The following SP1 variants were observed in gnomAD, a reference collection of about 807,000 sequenced individuals.
SP1 encodes the protein Sp1 transcription factor.
In SP1, 6 loss-of-function variants were observed where a neutral mutation model predicts 66.3. The ratio of observed to expected loss-of-function variants is 0.09; its 90% CI spans 0.05 to 0.18. The LOEUF (loss-of-function observed/expected upper bound fraction) is 0.18, where lower values mean the gene tolerates loss of function less well. Among genes scored for constraint, SP1 ranks in the 10% least tolerant of loss-of-function variants. The pLI is 1.00. For synonymous variants in SP1, 417 were observed against 360.8 expected, an observed-to-expected ratio of 1.16 and a Z score of -1.77; for missense variants, 848 against 964.5, an observed-to-expected ratio of 0.88 and a Z score of 1.60.
intron 4 of SP1, among the ~76,000 whole-genome samples, chr12:53,407,282 T>C (rs369550881): frequency 1.3e-5 from 2 of 151,058 alleles, no homozygotes; most frequent in African/African-American, 2.4e-5. Context: ...TTAAAAATTA[T>C]GTGGGAATAT....
At chr12:53,404,292 G>A (rs770921328) in intron 3 of SP1, among the ~76,000 whole-genome samples, 3 of 152,060 alleles carry the variant, frequency 2.0e-5, no homozygotes, top group African/African-American at 4.8e-5. Context: ...AGCACTTTGG[G>A]AGGCCAAGGC....
At chr12:53,388,438 T>C (rs1938276466) in intron 3 of SP1, among the ~76,000 whole-genome samples, 1 of 152,194 alleles carries the variant, frequency 6.6e-6, no homozygotes, top group Non-Finnish European at 1.5e-5. Flanking sequence ...TGTGTGTTTC[T>C]GTAAGGTAAG....
chr12:53,400,696 C>T lies in SP1; in HGVS notation c.1676-5889C>T, dbSNP rs1457174449. On this transcript the variant is annotated intron_variant, in intron 3 of 5. Transcript: ENST00000327443. ...CTCCACCTCCCGGGTTCAAGCGATTCTCCTGTCTCAGCCTCCGGAGTAGCT... is the reference window on the plus strand; with the variant it reads ...CTCCACCTCCCGGGTTCAAGCGATTTTCCTGTCTCAGCCTCCGGAGTAGCT... Among the ~76,000 whole-genome samples the T allele has an allele frequency of 2.6e-5, 4 of 151,364 alleles. No individual in the cohort carries two copies. In the East Asian group the frequency reaches 7.8e-4, roughly 29 times the overall value.
At chr12:53,389,548 T>C (rs777431679) in intron 3 of SP1, among the ~76,000 whole-genome samples, 13 of 151,696 alleles carry the variant, frequency 8.6e-5, no homozygotes, top group Non-Finnish European at 1.6e-4. Flanking sequence ...GGTTTCACCA[T>C]GTTGGCCAGG....
chr12:53,410,022 A>C (rs139165181), intron 5 of SP1, among the ~76,000 whole-genome samples: 277 of 144,050 alleles, frequency 1.9e-3, no homozygotes, highest in Non-Finnish European at 3.0e-3. Context: ...AAAAAAAGGA[A>C]GGAGCCAGGT....
rs1395474454 is a variant in SP1, at chr12:53,413,794, ATAATG to A, written c.*2560_*2564del. On this transcript the variant is annotated 3_prime_UTR_variant, in exon 6 of 6. Coordinates refer to ENST00000327443, the MANE Select transcript of SP1 (RefSeq NM_138473.3). ...CCAGTATGAAATTACCAGATATAAA[ATAATG>A]TAATGATGCTGAGGATATAAGCTTT... The A allele has an allele frequency of 1.3e-5, 2 of 152,352 alleles. No homozygotes were observed. The highest frequency in any genetic ancestry group is 4.8e-5 in the African/African-American group (2 of 41,478). 9.4% of individuals were successfully genotyped at this position (152,352 alleles called of 1,614,324 possible).
chr12:53,410,688 G>T (rs932569425), intron 5 of SP1, among the ~76,000 whole-genome samples: 1 of 152,008 alleles, frequency 6.6e-6, no homozygotes, highest in Admixed American at 6.6e-5. Context: ...TGTATTTTTA[G>T]TAGAGACAGG....
chr12:53,383,680 C>T, intron 3 of SP1, 58 bp downstream of exon 3: 1 of 1,410,958 alleles, frequency 7.1e-7, no homozygotes, highest in Non-Finnish European at 9.7e-7. Context: ...GTAGCTGAAA[C>T]TTGAGTCTAA....
chr12:53,403,280 C>T (rs1225313702), intron 3 of SP1, among the ~76,000 whole-genome samples: 2 of 152,160 alleles, frequency 1.3e-5, no homozygotes, highest in South Asian at 2.1e-4. Flanking sequence ...TGTCCTACCT[C>T]GTTTAGTTAC....
intron 3 of SP1, among the ~76,000 whole-genome samples, chr12:53,397,487 T>C (rs1436478263): frequency 6.8e-6 from 1 of 147,348 alleles, no homozygotes; most frequent in Non-Finnish European, 1.5e-5. Flanking sequence ...TTTTTTGAGA[T>C]GGAGTCTCTC....
intron 1 of SP1, chr12:53,380,736 T>TC (rs1245468050): frequency 2.8e-4 from 193 of 680,082 alleles, no homozygotes; most frequent in Admixed American, 8.0e-4. Flanking sequence ...AGATTTCCCT[T>TC]CCCCCCCGCC....
Position 53,383,139 on chromosome 12 carries a change from C to A in SP1, c.1192C>A (p.Gln398Lys). The change falls in exon 3 of 6, where the codon CAA becomes AAA. Residue 398 changes from glutamine to lysine, a missense_variant. This residue lies in a region of SP1 where 606 missense variants were observed against 589.9 expected (regional missense o/e 1.03). Coordinates refer to ENST00000327443, the MANE Select transcript of SP1 (RefSeq NM_138473.3). ...GCAAAACCAGCAGACACAGCAGCAA[C>A]AAATTCTTATCCAGCCTCAGCTAGT... ...GEQNQQTQQQ[Q>K]ILIQPQLVQG... The A allele has an allele frequency of 1.2e-6, 2 of 1,614,218 alleles. No individual in the cohort carries two copies. The highest frequency in any genetic ancestry group is 1.7e-6 in the Non-Finnish European group (2 of 1,180,048).
At chr12:53,384,605 T>G (rs905944640) in intron 3 of SP1, among the ~76,000 whole-genome samples, 3 of 152,060 alleles carry the variant, frequency 2.0e-5, no homozygotes, top group Non-Finnish European at 4.4e-5. Context: ...GTTTTGTATG[T>G]TTTTTTTCCA....
intron 4 of SP1, among the ~76,000 whole-genome samples, chr12:53,408,683 G>A (rs1349966208): frequency 6.6e-6 from 1 of 151,418 alleles, no homozygotes; most frequent in Admixed American, 6.6e-5. Context: ...GAGGTGGGTG[G>A]ATCACAAGGT....
At chr12:53,392,986 C>G (rs546044165) in intron 3 of SP1, among the ~76,000 whole-genome samples, 1 of 151,764 alleles carries the variant, frequency 6.6e-6, no homozygotes, top group East Asian at 2.0e-4. Flanking sequence ...CCACCATGCC[C>G]GGCTAATTTT....
At chr12:53,382,049 T>C (rs1227243231) in intron 2 of SP1, 61 bp from the exon 3 acceptor site, 2 of 1,503,392 alleles carry the variant, frequency 1.3e-6, no homozygotes, top group African/African-American at 1.4e-5. Flanking sequence ...TGTTGTATAC[T>C]GCCCCCTAGG....
chr12:53,398,299 T>C (rs1938533605), intron 3 of SP1, among the ~76,000 whole-genome samples: 1 of 152,208 alleles, frequency 6.6e-6, no homozygotes, highest in South Asian at 2.1e-4. Flanking sequence ...GTTTTTTGTT[T>C]TGAGACAGAG....
chr12:53,383,702 G>A (rs1938162770), intron 3 of SP1, 80 bp downstream of exon 3: 1 of 1,125,074 alleles, frequency 8.9e-7, no homozygotes, highest in Non-Finnish European at 1.3e-6. Context: ...GAAAGGAATA[G>A]AGCCTTTTGA....
intron 3 of SP1, among the ~76,000 whole-genome samples, chr12:53,399,640 T>C (rs1376521478): frequency 7.2e-6 from 1 of 139,858 alleles, no homozygotes; most frequent in Non-Finnish European, 1.6e-5. Context: ...CTTATTTGTT[T>C]TATTTTTTTT....
Sources: gnomAD v4.1 joint callset for allele counts (sites outside exome capture counted in the v4.1 genomes callset) on GRCh38, gnomAD v4.1.1 for gene constraint, gnomAD v4.1.1 regional missense constraint, MANE v1.5 for transcripts, NCBI Gene and HGNC (gene_info 2026-07-23, HGNC 2026-07-21) for gene names.